The following MYOCD variants were observed in gnomAD, a reference collection of about 807,000 sequenced individuals.
MYOCD encodes myocardin.
Under a neutral mutation model 96.1 loss-of-function variants are expected in MYOCD, and 32 were observed. The ratio of observed to expected loss-of-function variants is 0.33; its 90% CI spans 0.25 to 0.45. MYOCD has a LOEUF of 0.45. Among genes scored for constraint, MYOCD ranks in the 20% least tolerant of loss-of-function variants. The probability of loss-of-function intolerance (pLI) is 1.00; values close to 1 mark genes in which losing one functional copy is unlikely to be tolerated. For missense variants in MYOCD, 1,133 were observed against 1,200.6 expected, an observed-to-expected ratio of 0.94 and a Z score of 0.83; for synonymous variants, 469 against 469.0, an observed-to-expected ratio of 1.00 and a Z score of 0.00.
At chr17:12,697,373 T>A (rs1299044022) in intron 1 of MYOCD, among the ~76,000 whole-genome samples, 65 of 130,152 alleles carry the variant, frequency 5.0e-4, no homozygotes, top group Non-Finnish European at 9.0e-4. Flanking sequence ...TTTTTTTTTT[T>A]TTTTTTTGAG....
chr17:12,748,022 G>A (rs2032718127), intron 9 of MYOCD, among the ~76,000 whole-genome samples: 2 of 151,632 alleles, frequency 1.3e-5, no homozygotes, highest in Admixed American at 1.3e-4. Context: ...AATTAGCTGG[G>A]CGTGGTGGTG....
intron 1 of MYOCD, among the ~76,000 whole-genome samples, chr17:12,695,608 A>G (rs1597746768): frequency 6.6e-6 from 1 of 152,236 alleles, no homozygotes; most frequent in Non-Finnish European, 1.5e-5. Context: ...TCACAAGTTC[A>G]TTTTTAGTTG....
intron 4 of MYOCD, among the ~76,000 whole-genome samples, chr17:12,721,985 A>G (rs1263487739): frequency 1.3e-5 from 2 of 152,150 alleles, no homozygotes; most frequent in East Asian, 3.8e-4. Context: ...CTGTATGGAG[A>G]GTTCTAGATC....
rs1394925706 is a variant in MYOCD at position 12,752,940 on chromosome 17, A to G, written c.1652A>G (p.Lys551Arg). Reference sequence around the variant, plus strand: ...GAGGAGCTGAGGATGCAGCTTCAGAAGCAGAAAAGGAATAACTGTTCAGAG... The same window carrying G: ...GAGGAGCTGAGGATGCAGCTTCAGAGGCAGAAAAGGAATAACTGTTCAGAG... ...QVEELRMQLQ[K>R]QKRNNCSEKK... Residue 551 changes from lysine to arginine, a missense_variant, in exon 10 of 14, where the codon AAG becomes AGG. Lys to Arg is a conservative substitution (Grantham distance 26). Coordinates refer to ENST00000425538, the MANE Select transcript of MYOCD (RefSeq NM_001146312.3). The G allele has an allele frequency of 3.7e-6, 6 of 1,614,062 alleles. No homozygotes were observed. In the Admixed American group the frequency reaches 6.7e-5, roughly 18 times the overall value.
chr17:12,708,019 A>G (rs2031356235), intron 2 of MYOCD, among the ~76,000 whole-genome samples: 1 of 152,244 alleles, frequency 6.6e-6, no homozygotes, highest in South Asian at 2.1e-4. Flanking sequence ...TCAAGGATCT[A>G]TGCCCCAATT....
At chr17:12,666,893 G>A (rs1909409808) in intron 1 of MYOCD, among the ~76,000 whole-genome samples, 2 of 152,200 alleles carry the variant, frequency 1.3e-5, no homozygotes, top group Admixed American at 1.3e-4. Flanking sequence ...GGAGGTGAGT[G>A]GAAGGGAGAG....
In MYOCD at chr17:12,717,573, A is replaced by C. The variant is rs1401042077; in HGVS notation, c.253+152A>C. ...TTTCAAGTAATCATCTAAGCCTTCT[A>C]GGCCACGTAGATACCCAAGTTGGGA... On this transcript the variant is annotated intron_variant, in intron 4 of 13. Coordinates refer to ENST00000425538, the MANE Select transcript of MYOCD (RefSeq NM_001146312.3). 5 of 634,074 alleles carry C rather than the reference A, an allele frequency of 7.9e-6. No homozygotes were observed. The Admixed American group carries it at 9.1e-5, about 12-fold the overall frequency. The allele number at this position is 634,074 out of a possible 1,614,324, so 39.3% of individuals were successfully genotyped here.
chr17:12,741,609 T>C (rs987873559), intron 7 of MYOCD, among the ~76,000 whole-genome samples: 13 of 151,798 alleles, frequency 8.6e-5, no homozygotes, highest in African/African-American at 2.9e-4. Flanking sequence ...CTCAGGAGGC[T>C]GAGGCAGGAT....
chr17:12,718,694 G>A (rs1371020077), intron 4 of MYOCD, among the ~76,000 whole-genome samples: 1 of 152,140 alleles, frequency 6.6e-6, no homozygotes, highest in Non-Finnish European at 1.5e-5. Context: ...GGGATGGGAG[G>A]CTTTGATCTG....
chr17:12,714,868 C>T (rs185499306), intron 2 of MYOCD, among the ~76,000 whole-genome samples: 1 of 152,266 alleles, frequency 6.6e-6, no homozygotes, highest in Admixed American at 6.5e-5. Context: ...AGGACCTATG[C>T]TCCTAGCCCT....
intron 1 of MYOCD, among the ~76,000 whole-genome samples, chr17:12,688,152 T>C (rs1404556652): frequency 5.9e-5 from 9 of 152,206 alleles, no homozygotes; most frequent in African/African-American, 2.2e-4. Context: ...TTGGAAAGTC[T>C]CCTACACCCA....
rs755392366 is a variant in MYOCD at position 12,765,561 on chromosome 17, T to G, written c.*1917T>G. On this transcript the variant is annotated 3_prime_UTR_variant, in exon 14 of 14. Transcript: ENST00000425538. ...AACATACATGTATGTATAATAGATATATACATATGTGTATATTATATCTGT... is the reference window on the plus strand; with the variant it reads ...AACATACATGTATGTATAATAGATAGATACATATGTGTATATTATATCTGT... The G allele has an allele frequency of 6.6e-6, 1 of 152,130 alleles. No individual in the cohort carries two copies. The highest frequency in any genetic ancestry group is 1.5e-5 in the Non-Finnish European group (1 of 68,036). The allele number at this position is 152,130 out of a possible 1,614,324, so 9.4% of individuals were successfully genotyped here.
chr17:12,758,453 C>T (rs1169161889), intron 12 of MYOCD: 1 of 609,684 alleles, frequency 1.6e-6, no homozygotes, highest in Non-Finnish European at 2.9e-6. Context: ...TGCCATCTGC[C>T]AGCTGCCACT....
intron 11 of MYOCD, among the ~76,000 whole-genome samples, chr17:12,757,023 A>G (rs569656854): frequency 2.6e-5 from 4 of 152,200 alleles, no homozygotes; most frequent in Non-Finnish European, 5.9e-5. Context: ...AAACAACTTG[A>G]ACAGTAAACC....
In MYOCD at chr17:12,745,911, T is replaced by G. The variant is rs898712151; in HGVS notation, c.972-8T>G. ...TGTACTTGAAATGCCTCTTTGTTTGTTTTTTAGGGAACCAAATGAACAGAT... is the reference window on the plus strand; with the variant it reads ...TGTACTTGAAATGCCTCTTTGTTTGGTTTTTAGGGAACCAAATGAACAGAT... On this transcript the variant is annotated splice_polypyrimidine_tract_variant and splice_region_variant and intron_variant, in intron 8 of 13. Coordinates refer to ENST00000425538, the MANE Select transcript of MYOCD (RefSeq NM_001146312.3). 1.2e-6 allele frequency: 2 copies of G among 1,613,426 alleles called. No individual in the cohort carries two copies.
chr17:12,756,468 C>T lies in MYOCD; in HGVS notation c.2113C>T (p.Leu705Phe). 2 of 1,552,078 alleles carry T rather than the reference C, an allele frequency of 1.3e-6. No individual in the cohort carries two copies. Among genetic ancestry groups the T allele is most frequent in the Non-Finnish European group, 1.7e-6 (2 of 1,147,104 alleles). ...AAGCTTCTCTCCCCATTCTTCCAGC[C>T]TCCACCCGCCCTTCTCTGGAGCCCA... ...PPSFSPHSSS[L>F]HPPFSGAQAD... is the part of the protein sequence containing the mutation. Residue 705 changes from leucine (L) to phenylalanine (F), a missense_variant, in exon 11 of 14, where the codon CTC (leucine) becomes TTC (phenylalanine). Transcript: ENST00000425538.
Position 12,763,118 on chromosome 17 carries a change from T to G in MYOCD, c.2435T>G (p.Val812Gly). 1 of 1,613,902 alleles carries G rather than the reference T, an allele frequency of 6.2e-7. No homozygotes were observed. The highest frequency in any genetic ancestry group is 1.1e-5 in the South Asian group (1 of 91,016). Residue 812 changes from valine to glycine, a missense_variant, in exon 14 of 14, where the codon GTC becomes GGC. Physicochemically the swap from Val to Gly is moderately radical, Grantham distance 109. Coordinates refer to ENST00000425538, the MANE Select transcript of MYOCD (RefSeq NM_001146312.3). The stretch of plus-strand genomic sequence containing the variant: ...GAGGATCACTCATGTCTTCAAAAAG[T>G]CCCAAAGATACCCAGATCTTCCCGA... The part of the protein sequence containing the change: ...AREDHSCLQK[V>G]PKIPRSSRSP...
At chr17:12,702,887 C>G (rs1274566533) in intron 1 of MYOCD, among the ~76,000 whole-genome samples, 1 of 151,744 alleles carries the variant, frequency 6.6e-6, no homozygotes, top group African/African-American at 2.4e-5. Context: ...TATAATTTTT[C>G]CTTATAAAGT....
intron 9 of MYOCD, among the ~76,000 whole-genome samples, chr17:12,749,831 TGTTTA>T (rs1567598257): frequency 2.6e-5 from 4 of 151,660 alleles, no homozygotes; most frequent in African/African-American, 9.7e-5. Context: ...ATATTAATAT[TGTTTA>T]AAGTTTTTTG....
Sources: gnomAD v4.1 joint callset for allele counts (sites outside exome capture counted in the v4.1 genomes callset) on GRCh38, gnomAD v4.1.1 for gene constraint, MANE v1.5 for transcripts, NCBI Gene and HGNC (gene_info 2026-07-23, HGNC 2026-07-21) for gene names.